Variants in SORCS1 observed in about 807,000 individuals in gnomAD.
SORCS1 encodes sortilin related VPS10 domain containing receptor 1, also known as VPS10 domain-containing receptor SorCS1.
A neutral mutation model predicts 146.1 loss-of-function variants in SORCS1; 60 were observed. The ratio of observed to expected loss-of-function variants is 0.41; its 90% confidence interval spans 0.33 to 0.51. The LOEUF (loss-of-function observed/expected upper bound fraction) is 0.51. Ranked by LOEUF, SORCS1 falls within the 20% of genes least tolerant of loss-of-function variation. The probability of loss-of-function intolerance (pLI) is 0.21; values close to 1 mark genes in which losing one functional copy is unlikely to be tolerated. For missense variants in SORCS1, 1,352 were observed against 1,487.6 expected (o/e 0.91, Z 1.50); for synonymous variants, 637 against 584.0 (o/e 1.09, Z -1.31).
At chr10:107,016,763 T>C (rs955520959) in intron 1 of SORCS1, among the ~76,000 whole-genome samples, 6 of 152,100 alleles carry the variant, frequency 3.9e-5, no homozygotes, top group Admixed American at 3.9e-4. Flanking sequence ...GGAGAAGATA[T>C]CTGCAATCCA....
chr10:107,100,487 C>A (rs1190887197), intron 1 of SORCS1, among the ~76,000 whole-genome samples: 1 of 150,934 alleles, frequency 6.6e-6, no homozygotes, highest in African/African-American at 2.4e-5. Flanking sequence ...GCACTCCAGC[C>A]TGGGCAACAG....
chr10:107,075,187 C>T lies in SORCS1; in HGVS notation c.558+88782G>A, dbSNP rs77700685. ...GAATTTGAATTTTATATGTTAAAAT[C>T]GAGAACTTGAGGTAATGAGAGCACA... is the stretch of plus-strand genomic sequence containing the variant. On this transcript the variant is annotated intron_variant, in intron 1 of 25. Transcript: ENST00000263054. 2.8e-3 allele frequency among the ~76,000 whole-genome samples: 432 copies of T among 152,152 alleles called. 3 individuals are homozygous for T. Among genetic ancestry groups the T allele is most frequent in the African/African-American group, 8.8e-3 (367 of 41,528 alleles).
intron 1 of SORCS1, among the ~76,000 whole-genome samples, chr10:107,099,968 G>A (rs778080465): frequency 1.3e-5 from 2 of 152,068 alleles, no homozygotes; most frequent in Admixed American, 6.6e-5. Flanking sequence ...TAATTTTGTC[G>A]GAATCACAGT....
chr10:106,671,422 C>T (rs1437937541), intron 15 of SORCS1, 55 bp from the exon 16 acceptor site: 50 of 1,607,376 alleles, frequency 3.1e-5, no homozygotes, highest in Non-Finnish European at 4.1e-5. Context: ...ACTTTCTCTG[C>T]TCCACATGAG....
At chr10:106,690,906 A>C (rs1174345161) in intron 9 of SORCS1, among the ~76,000 whole-genome samples, 1 of 152,058 alleles carries the variant, frequency 6.6e-6, no homozygotes, top group Non-Finnish European at 1.5e-5. Context: ...CGCACAAGCC[A>C]CCTTCTTCCA....
At chr10:106,982,050 C>A (rs908759933) in intron 1 of SORCS1, among the ~76,000 whole-genome samples, 1 of 152,034 alleles carries the variant, frequency 6.6e-6, no homozygotes, top group Non-Finnish European at 1.5e-5. Context: ...ATACATTAGC[C>A]GAGGCACAGT....
chr10:107,038,401 G>A (rs1009053078), intron 1 of SORCS1, among the ~76,000 whole-genome samples: 2 of 139,530 alleles, frequency 1.4e-5, no homozygotes, highest in Non-Finnish European at 3.1e-5. Context: ...TGGGGTGGGT[G>A]GGGGGGGAGA....
chr10:106,878,811 C>T (rs866694795), intron 2 of SORCS1, among the ~76,000 whole-genome samples: 2 of 150,664 alleles, frequency 1.3e-5, no homozygotes, highest in Admixed American at 1.3e-4. Context: ...CTAATGTTTA[C>T]AGAATGTGAC....
chr10:106,763,027 A>G (rs572193513), intron 4 of SORCS1, among the ~76,000 whole-genome samples: 140 of 151,852 alleles, frequency 9.2e-4, no homozygotes, highest in Middle Eastern at 3.4e-3. Flanking sequence ...ACTTCTTTCT[A>G]TAAGTTTAAA....
At chr10:106,843,173 T>A (rs750470729) in intron 2 of SORCS1, among the ~76,000 whole-genome samples, 4 of 152,158 alleles carry the variant, frequency 2.6e-5, no homozygotes, top group Non-Finnish European at 5.9e-5. Flanking sequence ...CTAGAGTTAC[T>A]ATGTTGTAAA....
At chr10:106,959,037 T>G (rs1335522333) in intron 1 of SORCS1, among the ~76,000 whole-genome samples, 1 of 152,166 alleles carries the variant, frequency 6.6e-6, no homozygotes, top group East Asian at 1.9e-4. Context: ...TCACAGGCTG[T>G]GTCTCCCATT....
intron 1 of SORCS1, among the ~76,000 whole-genome samples, chr10:106,979,592 A>C (rs1386522926): frequency 1.3e-5 from 2 of 152,186 alleles, no homozygotes; most frequent in Non-Finnish European, 2.9e-5. Flanking sequence ...CAAAAAACAA[A>C]AAAAAAACTG....
At chr10:106,748,153 T>TTTGTA (rs1857883406) in intron 5 of SORCS1, among the ~76,000 whole-genome samples, 1 of 152,154 alleles carries the variant, frequency 6.6e-6, no homozygotes, top group Non-Finnish European at 1.5e-5. Flanking sequence ...ACTGAGTTTT[T>TTTGTA]TTGTTTTGTT....
intron 1 of SORCS1, among the ~76,000 whole-genome samples, chr10:107,045,628 C>T (rs1252738501): frequency 6.6e-6 from 1 of 152,008 alleles, no homozygotes; most frequent in Non-Finnish European, 1.5e-5. Context: ...ATGCCTAAGG[C>T]ACACACAACA....
chr10:106,582,525 C>G (rs1844983386), intron 24 of SORCS1, among the ~76,000 whole-genome samples: 2 of 152,192 alleles, frequency 1.3e-5, no homozygotes, highest in South Asian at 2.1e-4. Context: ...ACAACAGCAG[C>G]TGCATTTCTT....
At chr10:106,895,924 C>T (rs1413209467) in intron 2 of SORCS1, among the ~76,000 whole-genome samples, 1 of 141,788 alleles carries the variant, frequency 7.1e-6, no homozygotes, top group Admixed American at 7.0e-5. Context: ...TATATGTGTA[C>T]ACAAACATAT....
intron 18 of SORCS1, among the ~76,000 whole-genome samples, chr10:106,634,012 C>T (rs370915512): frequency 5.0e-4 from 76 of 152,264 alleles, no homozygotes; most frequent in African/African-American, 1.6e-3. Context: ...CAAGCAGATG[C>T]TATTCTTATC....
At chr10:106,914,414 T>C (rs1481437537) in intron 2 of SORCS1, among the ~76,000 whole-genome samples, 2 of 152,164 alleles carry the variant, frequency 1.3e-5, no homozygotes, top group African/African-American at 4.8e-5. Flanking sequence ...CACTGTCTCT[T>C]TTAACTAAAG....
At chr10:106,712,861 C>T (rs781649720) in intron 6 of SORCS1, among the ~76,000 whole-genome samples, 1 of 152,136 alleles carries the variant, frequency 6.6e-6, no homozygotes, top group African/African-American at 2.4e-5. Flanking sequence ...AATCCAATAT[C>T]GGATCTGTCA....
Sources: allele counts gnomAD v4.1 joint callset (sites outside exome capture counted in the v4.1 genomes callset), GRCh38; gene constraint gnomAD v4.1.1; transcripts MANE v1.5; gene names NCBI Gene and HGNC (gene_info 2026-07-23, HGNC 2026-07-21).